Variants in DIS3L2 observed in about 807,000 individuals in gnomAD.
The protein encoded by DIS3L2 is DIS3-like exonuclease 2.
DIS3L2 carries 34 observed loss-of-function variants against 97.5 expected under a neutral mutation model. The observed-to-expected ratio is 0.35, with a 90% CI of 0.27 to 0.46. The LOEUF (loss-of-function observed/expected upper bound fraction) is 0.46. Among genes scored for constraint, DIS3L2 ranks in the 20% least tolerant of loss-of-function variants. DIS3L2 has a pLI of 1.00. For missense variants in DIS3L2, 1,038 were observed against 1,146.0 expected, an observed-to-expected ratio of 0.91 and a Z score of 1.36; for synonymous variants, 435 against 445.2, an observed-to-expected ratio of 0.98 and a Z score of 0.29.
chr2:232,016,317 G>A (rs538643681), intron 3 of DIS3L2, among the ~76,000 whole-genome samples: 15 of 152,208 alleles, frequency 9.9e-5, no homozygotes, highest in Non-Finnish European at 2.1e-4. Flanking sequence ...CAGCATGGGT[G>A]CCTTTGACAT....
intron 1 of DIS3L2, among the ~76,000 whole-genome samples, chr2:231,995,490 C>T (rs528249005): frequency 6.6e-6 from 1 of 152,244 alleles, no homozygotes; most frequent in South Asian, 2.1e-4. Context: ...TATTTTCTCA[C>T]TGAGATTGTT....
intron 8 of DIS3L2, among the ~76,000 whole-genome samples, chr2:232,137,351 A>G (rs957529299): frequency 6.6e-6 from 1 of 152,224 alleles, no homozygotes; most frequent in Non-Finnish European, 1.5e-5. Flanking sequence ...ACCAAATGCT[A>G]TGCCTATTTT....
chr2:232,163,689 AG>A (rs1226443409), intron 9 of DIS3L2, 57 bp downstream of exon 9: 1 of 1,554,076 alleles, frequency 6.4e-7, no homozygotes, highest in Non-Finnish European at 8.7e-7. Context: ...TAACTTTCCT[AG>A]GGGCTAGGCT....
chr2:232,192,134 T>C (rs1028993963), intron 9 of DIS3L2, among the ~76,000 whole-genome samples: 7 of 152,262 alleles, frequency 4.6e-5, no homozygotes, highest in Non-Finnish European at 8.8e-5. Context: ...TTTGATGTTT[T>C]TACTTATCTT....
intron 14 of DIS3L2, among the ~76,000 whole-genome samples, chr2:232,327,121 GC>G (rs1357161850): frequency 6.6e-6 from 1 of 151,892 alleles, no homozygotes; most frequent in African/African-American, 2.4e-5. Context: ...GCCCTGAGAG[GC>G]CCCCAGATAT....
chr2:232,054,484 AT>A (rs1695490633), intron 5 of DIS3L2, among the ~76,000 whole-genome samples: 1 of 152,158 alleles, frequency 6.6e-6, no homozygotes, highest in Admixed American at 6.5e-5. Context: ...TGAAAGGAAA[AT>A]TTTTTTCTTT....
At position 232,336,865 on chromosome 2, in the gene DIS3L2, C is replaced by G. The variant is rs1240675676; in HGVS notation, c.*235C>G. 1.3e-5 allele frequency: 18 copies of G among 1,352,930 alleles called. No homozygotes were observed. The East Asian group carries it at 5.6e-4, about 42-fold the overall frequency. 83.8% of individuals were successfully genotyped at this position (1,352,930 alleles called of 1,614,324 possible). ...GACCCCAGCAGAGCAGGCCCCAGTC[C>G]TCCTGGGAGGCTGGCCCCCCTTTTT... On this transcript the variant is annotated 3_prime_UTR_variant, in exon 21 of 21. Transcript: ENST00000325385.
At chr2:232,091,679 G>A (rs1196318089) in intron 6 of DIS3L2, among the ~76,000 whole-genome samples, 1 of 152,114 alleles carries the variant, frequency 6.6e-6, no homozygotes, top group Non-Finnish European at 1.5e-5. Context: ...ATAGGAGTGG[G>A]ATTGCTGGTA....
At position 232,079,765 on chromosome 2, in the gene DIS3L2, C is replaced by T. The variant is rs139977526; in HGVS notation, c.367-7722C>T. ...ACTTCAACAAAACAAGAGGGCAGGC[C>T]CTATGAATAGCCAGGCAGAGAGCTT... On this transcript the variant is annotated intron_variant, in intron 5 of 20. Transcript: ENST00000325385. Among the ~76,000 whole-genome samples, 21 of 152,176 alleles carry T rather than the reference C, an allele frequency of 1.4e-4. No individual in the cohort carries two copies. The East Asian group carries it at 3.7e-3, about 27-fold the overall frequency.
intron 14 of DIS3L2, 26 bp from the exon 15 acceptor site, chr2:232,329,787 C>CCGGGGGGGGA: frequency 9.4e-7 from 1 of 1,062,210 alleles, no homozygotes; most frequent in Non-Finnish European, 1.3e-6. Context: ...CCCAGCGGTC[C>CCGGGGGGGGA]CTCCCATCCC....
intron 1 of DIS3L2, among the ~76,000 whole-genome samples, chr2:231,997,622 A>T (rs561452170): frequency 6.6e-6 from 1 of 152,370 alleles, no homozygotes; most frequent in African/African-American, 2.4e-5. Context: ...GTAATTCAGT[A>T]AAACAGGTAT....
At chr2:232,299,498 C>G (rs1694803836) in intron 13 of DIS3L2, among the ~76,000 whole-genome samples, 1 of 152,222 alleles carries the variant, frequency 6.6e-6, no homozygotes. Context: ...CTTCTGCACT[C>G]ACTGTGCTCT....
intron 6 of DIS3L2, among the ~76,000 whole-genome samples, chr2:232,090,191 T>C (rs1018583602): frequency 2.0e-5 from 3 of 152,156 alleles, no homozygotes; most frequent in African/African-American, 7.2e-5. Flanking sequence ...TGCTTTGGCC[T>C]CCCAAAGCGC....
At chr2:232,315,193 G>A (rs1349559781) in intron 14 of DIS3L2, among the ~76,000 whole-genome samples, 1 of 152,184 alleles carries the variant, frequency 6.6e-6, no homozygotes, top group East Asian at 1.9e-4. Flanking sequence ...GGCAAGTGGG[G>A]TGAGCGCCTC....
chr2:232,086,087 G>C (rs1696575434), intron 5 of DIS3L2, among the ~76,000 whole-genome samples: 1 of 152,008 alleles, frequency 6.6e-6, no homozygotes, highest in Admixed American at 6.6e-5. Context: ...GTGAGTCACT[G>C]TGCCTGGCCT....
chr2:232,275,822 A>G (rs1694125063), intron 13 of DIS3L2, among the ~76,000 whole-genome samples: 1 of 152,158 alleles, frequency 6.6e-6, no homozygotes, highest in Non-Finnish European at 1.5e-5. Context: ...TGTCTCCTGG[A>G]AGACGTAGAG....
chr2:232,319,617 G>C (rs1469901926), intron 14 of DIS3L2, among the ~76,000 whole-genome samples: 1 of 152,188 alleles, frequency 6.6e-6, no homozygotes, highest in Non-Finnish European at 1.5e-5. Flanking sequence ...CCCAGGGGAG[G>C]CCTGAAGGCT....
intron 14 of DIS3L2, among the ~76,000 whole-genome samples, chr2:232,310,021 G>A (rs965830819): frequency 1.3e-5 from 2 of 152,184 alleles, no homozygotes; most frequent in African/African-American, 2.4e-5. Flanking sequence ...CTTCAAACCA[G>A]CACCAACACT....
chr2:232,110,998 C>T (rs1172310617), intron 6 of DIS3L2, among the ~76,000 whole-genome samples: 4 of 152,066 alleles, frequency 2.6e-5, no homozygotes. Context: ...ATTGACTTTG[C>T]CTGCTGGCCA....
Sources: allele counts gnomAD v4.1 joint callset (sites outside exome capture counted in the v4.1 genomes callset), GRCh38; gene constraint gnomAD v4.1.1; transcripts MANE v1.5; gene names NCBI Gene and HGNC (gene_info 2026-07-23, HGNC 2026-07-21).